Variants in CLVS1 observed in about 807,000 individuals in gnomAD.
The protein encoded by CLVS1 is clavesin-1.
In CLVS1, 10 loss-of-function variants were observed where a neutral mutation model predicts 33.1. The ratio of observed to expected loss-of-function variants is 0.30; its 90% confidence interval spans 0.19 to 0.51. CLVS1 has a LOEUF of 0.51. Ranked by LOEUF, CLVS1 falls within the 20% of genes least tolerant of loss-of-function variation. The pLI is 0.97. For missense variants in CLVS1, 343 were observed against 433.4 expected (o/e 0.79, Z 1.85); for synonymous variants, 163 against 166.1 (o/e 0.98, Z 0.14).
intron 2 of CLVS1, among the ~76,000 whole-genome samples, chr8:61,376,079 A>G (rs576795901): frequency 3.3e-5 from 5 of 152,240 alleles, no homozygotes; most frequent in Admixed American, 6.5e-5. Flanking sequence ...AAGCTAAAAA[A>G]TAGCATCAAT....
intron 1 of CLVS1, among the ~76,000 whole-genome samples, chr8:61,109,949 A>G (rs999659809): frequency 2.6e-5 from 4 of 152,196 alleles, no homozygotes; most frequent in Non-Finnish European, 5.9e-5. Context: ...CAGGACTGTA[A>G]GAAATAAATT....
intron 5 of CLVS1, among the ~76,000 whole-genome samples, chr8:61,498,245 A>C (rs547570340): frequency 6.6e-6 from 1 of 152,294 alleles, no homozygotes; most frequent in South Asian, 2.1e-4. Context: ...CCAAGCATGC[A>C]CTATAAATCA....
At chr8:61,115,317 A>T (rs536971924) in intron 1 of CLVS1, among the ~76,000 whole-genome samples, 215 of 151,940 alleles carry the variant, frequency 1.4e-3, no homozygotes, top group African/African-American at 4.9e-3. Context: ...GTAAGGATTT[A>T]AAAAAATGGC....
At chr8:61,429,419 TAA>T (rs57688988) in intron 3 of CLVS1, among the ~76,000 whole-genome samples, 1,467 of 73,224 alleles carry the variant, frequency 0.02, 14 homozygotes, top group African/African-American at 0.046. Flanking sequence ...GACTCTGTCT[TAA>T]AAAAAAAAAA....
chr8:61,115,106 C>A (rs1805693763), intron 1 of CLVS1, among the ~76,000 whole-genome samples: 1 of 152,146 alleles, frequency 6.6e-6, no homozygotes, highest in South Asian at 2.1e-4. Context: ...GCATAGTGTT[C>A]AAGGGCAAAA....
intron 3 of CLVS1, among the ~76,000 whole-genome samples, chr8:61,433,013 G>A (rs1399211226): frequency 6.6e-6 from 1 of 152,192 alleles, no homozygotes; most frequent in Non-Finnish European, 1.5e-5. Context: ...GAGTGCAGTG[G>A]CACAATCACA....
chr8:61,156,126 A>G (rs1047288304), intron 2 of CLVS1, among the ~76,000 whole-genome samples: 1 of 148,934 alleles, frequency 6.7e-6, no homozygotes, highest in Non-Finnish European at 1.5e-5. Flanking sequence ...AGGCAGGAGG[A>G]TCGCTTGAAC....
chr8:61,473,531 G>C (rs965244307), intron 5 of CLVS1, among the ~76,000 whole-genome samples: 1 of 152,072 alleles, frequency 6.6e-6, no homozygotes, highest in African/African-American at 2.4e-5. Context: ...GAATAGATAA[G>C]TTTATTAAAA....
chr8:61,482,254 G>A (rs968930747), intron 5 of CLVS1, among the ~76,000 whole-genome samples: 3 of 152,206 alleles, frequency 2.0e-5, no homozygotes, highest in Non-Finnish European at 4.4e-5. Context: ...GGAGAAACCA[G>A]AGCAGAAAAG....
the CLVS1 span, among the ~76,000 whole-genome samples, chr8:60,992,187 A>G: frequency 6.6e-6 from 1 of 152,188 alleles, no homozygotes; most frequent in African/African-American, 2.4e-5. Flanking sequence ...CTCTTCTGGT[A>G]AGGTAATATG....
At chr8:61,377,292 G>A (rs1563524694) in intron 3 of CLVS1, 1 of 152,332 alleles carries the variant, frequency 6.6e-6, no homozygotes. Flanking sequence ...GGATTTTGGA[G>A]AAGAGGTTTT....
At chr8:61,345,639 T>C (rs112742935) in intron 2 of CLVS1, among the ~76,000 whole-genome samples, 1 of 70,054 alleles carries the variant, frequency 1.4e-5, no homozygotes, top group African/African-American at 6.6e-5. Flanking sequence ...TGTGTGTGTA[T>C]GTGTGTGTGT....
intron 2 of CLVS1, among the ~76,000 whole-genome samples, chr8:61,303,252 A>T (rs1810500726): frequency 6.6e-6 from 1 of 152,238 alleles, no homozygotes; most frequent in Admixed American, 6.5e-5. Context: ...GTCCATGTAT[A>T]TCCCAAAGTA....
intron 2 of CLVS1, among the ~76,000 whole-genome samples, chr8:61,255,297 T>C (rs1345660560): frequency 1.3e-5 from 2 of 152,230 alleles, no homozygotes; most frequent in Admixed American, 1.3e-4. Context: ...AAGCAGACAC[T>C]AAACATCTGA....
chr8:60,980,509 G>A, the CLVS1 span, among the ~76,000 whole-genome samples: 1 of 152,226 alleles, frequency 6.6e-6, no homozygotes, highest in African/African-American at 2.4e-5. Context: ...AAAGGGGCCG[G>A]GTGGGATAGC....
chr8:61,044,882 G>A, the CLVS1 span, among the ~76,000 whole-genome samples: 1 of 152,210 alleles, frequency 6.6e-6, no homozygotes, highest in South Asian at 2.1e-4. Flanking sequence ...TTGGAGAAGA[G>A]TTATGTGGAC....
At chr8:61,450,582 G>A (rs946119917) in intron 3 of CLVS1, among the ~76,000 whole-genome samples, 1 of 152,104 alleles carries the variant, frequency 6.6e-6, no homozygotes, top group Non-Finnish European at 1.5e-5. Context: ...AATTGAAGAC[G>A]TGCAAGACGT....
intron 2 of CLVS1, among the ~76,000 whole-genome samples, chr8:61,194,066 T>TAC (rs55818310): frequency 8.8e-5 from 1 of 11,352 alleles, no homozygotes; most frequent in African/African-American, 2.8e-4. Context: ...AGAAAGAGGG[T>TAC]ATTCATTTCA....
At chr8:61,238,807 T>C (rs1022565653) in intron 2 of CLVS1, among the ~76,000 whole-genome samples, 3 of 152,256 alleles carry the variant, frequency 2.0e-5, no homozygotes, top group African/African-American at 7.2e-5. Context: ...ATTGGAGCTA[T>C]TGAGGTAGTT....
Sources: gnomAD v4.1 joint callset for allele counts (sites outside exome capture counted in the v4.1 genomes callset) on GRCh38, gnomAD v4.1.1 for gene constraint, MANE v1.5 for transcripts, NCBI Gene and HGNC (gene_info 2026-07-23, HGNC 2026-07-21) for gene names.